The following SCGB2B2 variants were observed in gnomAD, a reference collection of about 807,000 sequenced individuals.
SCGB2B2 encodes the protein secretoglobin family 2B member 2.
Under a neutral mutation model 7.6 loss-of-function variants are expected in SCGB2B2, and 11 were observed. The observed-to-expected ratio is 1.45, with a 90% CI of 0.91 to 2.40. The LOEUF is 2.40. SCGB2B2 is among the 30% of genes most tolerant of loss of function. SCGB2B2 has a pLI of 0.00. For synonymous variants in SCGB2B2, 50 were observed against 48.6 expected (o/e 1.03, Z -0.12); for missense variants, 104 against 115.4 (o/e 0.90, Z 0.45).
intron 1 of SCGB2B2, among the ~76,000 whole-genome samples, chr19:34,669,586 G>A (rs1336204033): frequency 6.6e-6 from 1 of 152,116 alleles, no homozygotes; most frequent in African/African-American, 2.4e-5. Flanking sequence ...GCTCCAGGGA[G>A]GACACAGGAT....
At chr19:34,621,033 T>C (rs1049952159) in intron 1 of SCGB2B2, among the ~76,000 whole-genome samples, 6 of 152,372 alleles carry the variant, frequency 3.9e-5, no homozygotes, top group Middle Eastern at 6.8e-3. Flanking sequence ...ATTCCTTATT[T>C]ATAATCCTTA....
chr19:34,626,233 C>T (rs534018803), intron 1 of SCGB2B2, among the ~76,000 whole-genome samples: 2 of 152,286 alleles, frequency 1.3e-5, no homozygotes, highest in East Asian at 3.9e-4. Flanking sequence ...AGCTCCTCTC[C>T]AGCAACGGAA....
intron 1 of SCGB2B2, among the ~76,000 whole-genome samples, chr19:34,674,035 C>T (rs1046290144): frequency 6.6e-6 from 1 of 152,212 alleles, no homozygotes; most frequent in Non-Finnish European, 1.5e-5. Flanking sequence ...AAGTTCTTCT[C>T]ACCTATGCCC....
chr19:34,670,691 C>T (rs2067779521), intron 1 of SCGB2B2, among the ~76,000 whole-genome samples: 2 of 152,306 alleles, frequency 1.3e-5, no homozygotes, highest in Non-Finnish European at 2.9e-5. Flanking sequence ...TTTCTTCCTT[C>T]ATCTTAAAAG....
At chr19:34,622,280 G>C (rs926030729) in intron 1 of SCGB2B2, among the ~76,000 whole-genome samples, 1 of 152,146 alleles carries the variant, frequency 6.6e-6, no homozygotes. Flanking sequence ...CTTTCCTATG[G>C]GAAGACTAAG....
chr19:34,629,660 G>A (rs2066473254), intron 1 of SCGB2B2, among the ~76,000 whole-genome samples: 1 of 151,998 alleles, frequency 6.6e-6, no homozygotes, highest in Non-Finnish European at 1.5e-5. Context: ...TCATGGGTAG[G>A]AAGAATCAAT....
intron 1 of SCGB2B2, among the ~76,000 whole-genome samples, chr19:34,624,022 G>C (rs1257736711): frequency 1.3e-5 from 2 of 152,148 alleles, no homozygotes; most frequent in Non-Finnish European, 2.9e-5. Context: ...AAGAGTTGGG[G>C]AACTAGAGGT....
chr19:34,606,442 G>T (rs113513783), intron 1 of SCGB2B2, among the ~76,000 whole-genome samples: 2,969 of 152,106 alleles, frequency 0.02, 45 homozygotes, highest in East Asian at 0.066. Context: ...TTAAGGGTGG[G>T]GAGATTATTT....
intron 1 of SCGB2B2, among the ~76,000 whole-genome samples, chr19:34,606,512 T>C (rs1314146223): frequency 3.5e-5 from 3 of 86,312 alleles, no homozygotes; most frequent in East Asian, 2.8e-4. Flanking sequence ...TTTTCTTTTC[T>C]TTTTCTTTTT....
At chr19:34,623,015 G>C (rs1054472) in intron 1 of SCGB2B2, among the ~76,000 whole-genome samples, 48,154 of 151,380 alleles carry the variant, frequency 0.32, 8,530 homozygotes, top group Middle Eastern at 0.47. Flanking sequence ...GCATTTGAAA[G>C]AGTTTTCTTC....
chr19:34,639,593 G>T (rs2066784212), intron 1 of SCGB2B2, among the ~76,000 whole-genome samples: 1 of 152,078 alleles, frequency 6.6e-6, no homozygotes. Flanking sequence ...GCTGTAAAGG[G>T]ACCACAAAGA....
chr19:34,592,975 C>T lies in SCGB2B2; in HGVS notation c.*580G>A, dbSNP rs910366600. 6.6e-6 allele frequency among the ~76,000 whole-genome samples: 1 copy of T among 152,010 alleles called. No homozygotes were observed. The highest frequency in any genetic ancestry group is 1.5e-5 in the Non-Finnish European group (1 of 68,006). On this transcript the variant is annotated 3_prime_UTR_variant, in exon 4 of 4. Coordinates refer to ENST00000601241, the MANE Select transcript of SCGB2B2 (RefSeq NM_001025591.4). ...GAGGTAGGGGGAGAAAAAAGGACAG[C>T]TTGGGTAGGTAGGGATGGAGAAGTG...
At chr19:34,590,543 ACT>A (rs1425933674), downstream of SCGB2B2, among the ~76,000 whole-genome samples, 2 of 152,010 alleles carry the variant, frequency 1.3e-5, no homozygotes, top group Admixed American at 1.3e-4. Context: ...GGGCAGCAAG[ACT>A]CTTGTTGAAG....
intron 1 of SCGB2B2, among the ~76,000 whole-genome samples, chr19:34,640,039 G>A (rs1441002032): frequency 6.6e-6 from 1 of 151,946 alleles, no homozygotes; most frequent in Non-Finnish European, 1.5e-5. Context: ...ACCTTCCAGT[G>A]GTTCAGTAGA....
At chr19:34,663,439 T>A (rs2067519775) in intron 1 of SCGB2B2, among the ~76,000 whole-genome samples, 1 of 152,134 alleles carries the variant, frequency 6.6e-6, no homozygotes, top group Non-Finnish European at 1.5e-5. Flanking sequence ...AACAAAAAAG[T>A]AAGATACAGG....
At chr19:34,617,093 C>G (rs1033522974) in intron 1 of SCGB2B2, among the ~76,000 whole-genome samples, 1 of 152,128 alleles carries the variant, frequency 6.6e-6, no homozygotes, top group Non-Finnish European at 1.5e-5. Context: ...TGTAGCCTTG[C>G]AGTATAGTTT....
In SCGB2B2 at chr19:34,637,918, G is replaced by GTAAACATTACCC. The variant is rs2066731823; in HGVS notation, c.-2032+37711_-2032+37712insGGGTAATGTTTA. ...AGTTTGAATGTTTTCTGGTTGGGTA[G>GTAAACATTACCC]AGGTAGGTAAGCTGAGGCTGTGACA... is the stretch of plus-strand genomic sequence containing the variant. On this transcript the variant is annotated intron_variant, in intron 1 of 3. Transcript: ENST00000601241. The GTAAACATTACCC allele has an allele frequency of 5.9e-5, 9 of 152,314 alleles. No homozygotes were observed. The East Asian group carries it at 1.7e-3, about 29-fold the overall frequency. The allele number at this position is 152,314 out of a possible 1,614,324, so 9.4% of individuals were successfully genotyped here. A position where few individuals can be genotyped will look rare whatever the true frequency, so the allele number is the denominator to read the frequency against.
chr19:34,617,256 A>G (rs898215308), intron 1 of SCGB2B2, among the ~76,000 whole-genome samples: 2 of 151,320 alleles, frequency 1.3e-5, no homozygotes, highest in Non-Finnish European at 2.9e-5. Flanking sequence ...ATGGCATTGA[A>G]TCTGTAAATT....
chr19:34,593,487 A>G lies in SCGB2B2; in HGVS notation c.*68T>C, dbSNP rs1487507082. On this transcript the variant is annotated 3_prime_UTR_variant, in exon 4 of 4. Transcript: ENST00000601241. Reference sequence around the variant, plus strand: ...GGTCTCTGTAGTGATGAACAGAGCCAGGCCAGGAACGCGGGGAGCCCCAAG... The same window carrying G: ...GGTCTCTGTAGTGATGAACAGAGCCGGGCCAGGAACGCGGGGAGCCCCAAG... 2 of 1,228,764 alleles carry G rather than the reference A, an allele frequency of 1.6e-6. No individual in the cohort carries two copies. Among genetic ancestry groups the G allele is most frequent in the Admixed American group, 2.0e-5 (1 of 50,144 alleles). 76.1% of individuals were successfully genotyped at this position (1,228,764 alleles called of 1,614,324 possible).
Sources: allele counts gnomAD v4.1 joint callset (sites outside exome capture counted in the v4.1 genomes callset), GRCh38; gene constraint gnomAD v4.1.1; transcripts MANE v1.5; gene names NCBI Gene and HGNC (gene_info 2026-07-23, HGNC 2026-07-21).